The following GM2A variants were observed in gnomAD, a reference collection of about 807,000 sequenced individuals.
GM2A encodes GM2 ganglioside activator.
A neutral mutation model predicts 12.9 loss-of-function variants in GM2A; 7 were observed. The observed-to-expected ratio is 0.54, with a 90% CI of 0.31 to 1.02. The LOEUF is 1.02. GM2A is among the 50% of genes least tolerant of loss of function. The pLI, the probability that GM2A is intolerant of heterozygous loss-of-function variation, is 0.05. For synonymous variants in GM2A, 101 were observed against 96.0 expected (o/e 1.05, Z -0.30); for missense variants, 246 against 241.0 (o/e 1.02, Z -0.14).
Position 151,269,196 on chromosome 5 carries a change from G to A in GM2A, c.*1745G>A. ...AACACACACCAGCCCTGAGTTCTGG[G>A]CTCATTTGAAGCCTGGAATAGCAAT... is the stretch of plus-strand genomic sequence containing the variant. On this transcript the variant is annotated 3_prime_UTR_variant, in exon 4 of 4. Transcript: ENST00000357164. The A allele has an allele frequency of 1.0e-6, 1 of 985,428 alleles. No homozygotes were observed. Among genetic ancestry groups the A allele is most frequent in the Non-Finnish European group, 1.2e-6 (1 of 829,932 alleles). 61.0% of individuals were successfully genotyped at this position (985,428 alleles called of 1,614,324 possible).
intron 1 of GM2A, 108 bp from the exon 2 acceptor site, chr5:151,259,647 C>A: frequency 1.0e-6 from 1 of 953,124 alleles, no homozygotes. Flanking sequence ...GACGGGGGTG[C>A]CTCACCCAAG....
In GM2A at chr5:151,268,041, G is replaced by C; in HGVS notation, c.*590G>C. ...TGTGGGGGAGGAATCCCTTGGGGGAGATATTAGGAGTGCTCTGTTGTTTAC... is the reference window on the plus strand; with the variant it reads ...TGTGGGGGAGGAATCCCTTGGGGGACATATTAGGAGTGCTCTGTTGTTTAC... On this transcript the variant is annotated 3_prime_UTR_variant, in exon 4 of 4. Coordinates refer to ENST00000357164, the MANE Select transcript of GM2A (RefSeq NM_000405.5). 1 of 1,026,246 alleles carries C rather than the reference G, an allele frequency of 9.7e-7. No individual in the cohort carries two copies. The highest frequency in any genetic ancestry group is 1.2e-6 in the Non-Finnish European group (1 of 854,202). The allele number at this position is 1,026,246 out of a possible 1,614,324, so 63.6% of individuals were successfully genotyped here. A position where few individuals can be genotyped will look rare whatever the true frequency, so the allele number is the denominator to read the frequency against.
chr5:151,269,201 T>A lies in GM2A; in HGVS notation c.*1750T>A. ...ACACCAGCCCTGAGTTCTGGGCTCA[T>A]TTGAAGCCTGGAATAGCAATAAATC... On this transcript the variant is annotated 3_prime_UTR_variant, in exon 4 of 4. Coordinates refer to ENST00000357164, the MANE Select transcript of GM2A (RefSeq NM_000405.5). 1.0e-6 allele frequency: 1 copy of A among 985,478 alleles called. No homozygotes were observed. Among genetic ancestry groups the A allele is most frequent in the Non-Finnish European group, 1.2e-6 (1 of 829,938 alleles). The allele number at this position is 985,478 out of a possible 1,614,324, so 61.0% of individuals were successfully genotyped here. A position where few individuals can be genotyped will look rare whatever the true frequency, so the allele number is the denominator to read the frequency against.
intron 1 of GM2A, among the ~76,000 whole-genome samples, chr5:151,254,679 A>T (rs1753651233): frequency 6.6e-6 from 1 of 152,228 alleles, no homozygotes; most frequent in African/African-American, 2.4e-5. Context: ...AGCCTACCTT[A>T]AACATGCCTA....
In GM2A at chr5:151,267,932, T is replaced by C; in HGVS notation, c.*481T>C. 1.8e-6 allele frequency: 2 copies of C among 1,122,356 alleles called. No homozygotes were observed. Among genetic ancestry groups the C allele is most frequent in the South Asian group, 4.4e-5 (2 of 45,596 alleles). The allele number at this position is 1,122,356 out of a possible 1,614,324, so 69.5% of individuals were successfully genotyped here. ...TATTTGCTCTTAGTCTATTCCTCCC[T>C]TAACTTCTGTGACTAATTTTTATTT... On this transcript the variant is annotated 3_prime_UTR_variant, in exon 4 of 4. Coordinates refer to ENST00000357164, the MANE Select transcript of GM2A (RefSeq NM_000405.5).
intron 2 of GM2A, among the ~76,000 whole-genome samples, chr5:151,262,143 G>T (rs1753809878): frequency 6.6e-6 from 1 of 152,140 alleles, no homozygotes; most frequent in Non-Finnish European, 1.5e-5. Flanking sequence ...TATTTTAGGG[G>T]TGTATGTTTT....
chr5:151,262,391 A>G (rs974150172), intron 2 of GM2A, among the ~76,000 whole-genome samples: 1 of 152,228 alleles, frequency 6.6e-6, no homozygotes, highest in African/African-American at 2.4e-5. Flanking sequence ...CACAGCTCCT[A>G]CGTTATGGGC....
At chr5:151,263,119 G>T (rs1753827872) in intron 2 of GM2A, among the ~76,000 whole-genome samples, 1 of 129,240 alleles carries the variant, frequency 7.7e-6, no homozygotes. Context: ...TTGAGATGGA[G>T]TTTCACTCTG....
At chr5:151,253,597 G>T (rs1325524405) in intron 1 of GM2A, among the ~76,000 whole-genome samples, 1 of 151,910 alleles carries the variant, frequency 6.6e-6, no homozygotes, top group Non-Finnish European at 1.5e-5. Context: ...TGCCCCCAGA[G>T]ATTCAGTCCT....
Position 151,268,983 on chromosome 5 carries a change from A to C in GM2A, c.*1532A>C. 1.0e-6 allele frequency: 1 copy of C among 985,418 alleles called. No individual in the cohort carries two copies. The highest frequency in any genetic ancestry group is 1.2e-6 in the Non-Finnish European group (1 of 829,928). 61.0% of individuals were successfully genotyped at this position (985,418 alleles called of 1,614,324 possible). ...CTAGGAGAGGTATGAGCAGCCTCTC[A>C]CCTGTGAGCTGTGGGGATCACAAGG... is the stretch of plus-strand genomic sequence containing the variant. On this transcript the variant is annotated 3_prime_UTR_variant, in exon 4 of 4. Coordinates refer to ENST00000357164, the MANE Select transcript of GM2A (RefSeq NM_000405.5).
Position 151,267,863 on chromosome 5 carries a change from T to G in GM2A, c.*412T>G. ...TAAAAGCGAAGTGAGAGTATTAACG[T>G]TTTTGTTCTCCTCCGGCCCCCTGTT... On this transcript the variant is annotated 3_prime_UTR_variant, in exon 4 of 4. Coordinates refer to ENST00000357164, the MANE Select transcript of GM2A (RefSeq NM_000405.5). 1.7e-6 allele frequency: 2 copies of G among 1,159,190 alleles called. No homozygotes were observed. Among genetic ancestry groups the G allele is most frequent in the South Asian group, 3.6e-5 (2 of 55,138 alleles). 71.8% of individuals were successfully genotyped at this position (1,159,190 alleles called of 1,614,324 possible).
At position 151,266,853 on chromosome 5, in the gene GM2A, G is replaced by A; in HGVS notation, c.366G>A (p.Gly122=). The change falls in exon 3 of 4, where the codon GGG becomes GGA. Residue 122 remains glycine, a synonymous_variant. Transcript: ENST00000357164. ...TGCTTGACATGTTAATTCCTACTGGGGAGCCCTGCCCAGAGCCCCTGCGTA... is the reference window on the plus strand; with the variant it reads ...TGCTTGACATGTTAATTCCTACTGGAGAGCCCTGCCCAGAGCCCCTGCGTA... ...CDVLDMLIPT[G]EPCPEPLRTY... 6.2e-7 allele frequency: 1 copy of A among 1,613,930 alleles called. No homozygotes were observed. The highest frequency in any genetic ancestry group is 1.1e-5 in the South Asian group (1 of 91,070).
At chr5:151,260,808 TC>T (rs1260762149) in intron 2 of GM2A, among the ~76,000 whole-genome samples, 1 of 152,170 alleles carries the variant, frequency 6.6e-6, no homozygotes, top group Non-Finnish European at 1.5e-5. Flanking sequence ...CCTCCAGTAA[TC>T]TAAATCCTAG....
Position 151,259,812 on chromosome 5 carries a change from G to A in GM2A, c.139G>A (p.Val47Met), listed in dbSNP as rs1269101684. ...CTGTGATGAAGGGAAGGACCCTGCGGTGATCAGAAGCCTGACTCTGGAGCC... is the reference window on the plus strand; with the variant it reads ...CTGTGATGAAGGGAAGGACCCTGCGATGATCAGAAGCCTGACTCTGGAGCC... ...DNCDEGKDPAVIRSLTLEPDP... is the reference protein window; with the variant it reads ...DNCDEGKDPAMIRSLTLEPDP... The change falls in exon 2 of 4, where the codon GTG (valine) becomes ATG (methionine). Residue 47 changes from valine to methionine, a missense_variant. Val to Met is a conservative substitution (Grantham distance 21). Coordinates refer to ENST00000357164, the MANE Select transcript of GM2A (RefSeq NM_000405.5). The A allele has an allele frequency of 1.2e-6, 2 of 1,613,634 alleles. No individual in the cohort carries two copies. Among genetic ancestry groups the A allele is most frequent in the African/African-American group, 1.3e-5 (1 of 74,928 alleles).
At position 151,267,453 on chromosome 5, in the gene GM2A, A is replaced by G. The variant is rs756637678; in HGVS notation, c.*2A>G. The G allele has an allele frequency of 4.3e-6, 7 of 1,614,014 alleles. No homozygotes were observed. Among genetic ancestry groups the G allele is most frequent in the Middle Eastern group, 1.7e-4 (1 of 6,060 alleles). ...GCTGCCTCTCTAAAGGGCATATAAC[A>G]TGGCATCTGCCACAGCAGAATGGAG... On this transcript the variant is annotated 3_prime_UTR_variant, in exon 4 of 4. Transcript: ENST00000357164.
In GM2A at chr5:151,268,201, G is replaced by C; in HGVS notation, c.*750G>C. The C allele has an allele frequency of 3.4e-6, 3 of 869,942 alleles. No individual in the cohort carries two copies. Among genetic ancestry groups the C allele is most frequent in the Non-Finnish European group, 4.1e-6 (3 of 725,166 alleles). The allele number at this position is 869,942 out of a possible 1,614,324, so 53.9% of individuals were successfully genotyped here. A position where few individuals can be genotyped will look rare whatever the true frequency, so the allele number is the denominator to read the frequency against. On this transcript the variant is annotated 3_prime_UTR_variant, in exon 4 of 4. Coordinates refer to ENST00000357164, the MANE Select transcript of GM2A (RefSeq NM_000405.5). Reference sequence around the variant, plus strand: ...AGACAGAATCTCACTTTGTCACCAGGCTGGAGTGCAGTGGTGCAATCTCAC... The same window carrying C: ...AGACAGAATCTCACTTTGTCACCAGCCTGGAGTGCAGTGGTGCAATCTCAC...
Position 151,268,362 on chromosome 5 carries a change from C to T in GM2A, c.*911C>T. 1 of 573,556 alleles carries T rather than the reference C, an allele frequency of 1.7e-6. No individual in the cohort carries two copies. Among genetic ancestry groups the T allele is most frequent in the Non-Finnish European group, 2.2e-6 (1 of 453,942 alleles). 35.5% of individuals were successfully genotyped at this position (573,556 alleles called of 1,614,324 possible). Reference sequence around the variant, plus strand: ...TAGAGATGGGGTTTCACCATGTTGGCCAGGATGGTCTCGATCTCTTGACCT... The same window carrying T: ...TAGAGATGGGGTTTCACCATGTTGGTCAGGATGGTCTCGATCTCTTGACCT... On this transcript the variant is annotated 3_prime_UTR_variant, in exon 4 of 4. Coordinates refer to ENST00000357164, the MANE Select transcript of GM2A (RefSeq NM_000405.5).
In GM2A at chr5:151,267,480, G is replaced by A. The variant is rs372056444; in HGVS notation, c.*29G>A. 1.7e-5 allele frequency: 28 copies of A among 1,613,828 alleles called. No homozygotes were observed. Among genetic ancestry groups the A allele is most frequent in the South Asian group, 2.2e-5 (2 of 91,052 alleles). On this transcript the variant is annotated 3_prime_UTR_variant, in exon 4 of 4. Coordinates refer to ENST00000357164, the MANE Select transcript of GM2A (RefSeq NM_000405.5). The stretch of plus-strand genomic sequence containing the variant: ...GGCATCTGCCACAGCAGAATGGAGC[G>A]GTGTGAGGAAGGTCCCTTTTCCTCT...
chr5:151,259,810 C>A lies in GM2A; in HGVS notation c.137C>A (p.Ala46Glu). 1.2e-6 allele frequency: 2 copies of A among 1,613,136 alleles called. No homozygotes were observed. The highest frequency in any genetic ancestry group is 1.3e-5 in the African/African-American group (1 of 75,010). Residue 46 changes from alanine to glutamate, a missense_variant, in exon 2 of 4, where the codon GCG (alanine) becomes GAG (glutamate). Coordinates refer to ENST00000357164, the MANE Select transcript of GM2A (RefSeq NM_000405.5). ...AACTGTGATGAAGGGAAGGACCCTG[C>A]GGTGATCAGAAGCCTGACTCTGGAG... ...WDNCDEGKDP[A>E]VIRSLTLEPD...
Sources: allele counts gnomAD v4.1 joint callset (sites outside exome capture counted in the v4.1 genomes callset), GRCh38; gene constraint gnomAD v4.1.1; transcripts MANE v1.5; gene names NCBI Gene and HGNC (gene_info 2026-07-23, HGNC 2026-07-21).